Variants in TXNDC11 observed in about 807,000 individuals in gnomAD.
The protein encoded by TXNDC11 is thioredoxin domain containing 11, also known as thioredoxin domain-containing protein 11.
In TXNDC11, 68 loss-of-function variants were observed where a neutral mutation model predicts 78.0. The observed-to-expected ratio is 0.87, with a 90% CI of 0.72 to 1.07. The LOEUF (loss-of-function observed/expected upper bound fraction) is 1.07. TXNDC11 is among the 50% of genes least tolerant of loss of function. The pLI is 0.00. For missense variants in TXNDC11, 1,389 were observed against 1,221.8 expected, an observed-to-expected ratio of 1.14 and a Z score of -2.04; for synonymous variants, 571 against 495.2, an observed-to-expected ratio of 1.15 and a Z score of -2.03.
intron 4 of TXNDC11, among the ~76,000 whole-genome samples, chr16:11,724,411 A>T (rs1567340230): frequency 6.6e-6 from 1 of 152,202 alleles, no homozygotes; most frequent in Non-Finnish European, 1.5e-5. Flanking sequence ...GTCACTGAAA[A>T]TTAAATGACT....
intron 7 of TXNDC11, among the ~76,000 whole-genome samples, chr16:11,695,475 C>G (rs763073430): frequency 1.6e-4 from 24 of 152,304 alleles, no homozygotes; most frequent in Non-Finnish European, 3.4e-4. Flanking sequence ...GTAAAGCCAC[C>G]TAACTCTTTC....
At position 11,684,140 on chromosome 16, in the gene TXNDC11, ACC is replaced by A. The variant is rs2050504020; in HGVS notation, c.2234+23_2234+24del. On this transcript the variant is annotated intron_variant, in intron 11 of 11. Transcript: ENST00000283033. ...CTCCACAAAAGAATCCCAACTGCCC[ACC>A]AGTGACAAAAATTTGGCATTACCTG... The A allele has an allele frequency of 7.7e-6, 12 of 1,559,052 alleles. No homozygotes were observed. The Admixed American group carries it at 1.8e-4, about 24-fold the overall frequency.
In TXNDC11 at chr16:11,721,674, C is replaced by T; in HGVS notation, c.700-4G>A. ...CAAAGTACCCGAGTACTCCAGGCTG[C>T]AGGAAAAAGAGCAGAATTAGGTAAC... On this transcript the variant is annotated splice_polypyrimidine_tract_variant and splice_region_variant and intron_variant, in intron 4 of 11. Coordinates refer to ENST00000283033, the MANE Select transcript of TXNDC11 (RefSeq NM_015914.7). 6.3e-7 allele frequency: 1 copy of T among 1,599,904 alleles called. No homozygotes were observed. Among genetic ancestry groups the T allele is most frequent in the Non-Finnish European group, 8.6e-7 (1 of 1,169,192 alleles).
chr16:11,701,470 T>C (rs1298679502), intron 5 of TXNDC11, among the ~76,000 whole-genome samples: 1 of 152,126 alleles, frequency 6.6e-6, no homozygotes, highest in Non-Finnish European at 1.5e-5. Flanking sequence ...TTCTGTGAAA[T>C]TAGAGACTTT....
chr16:11,688,548 G>T, intron 8 of TXNDC11, 103 bp from the exon 9 acceptor site: 1 of 999,598 alleles, frequency 1.0e-6, no homozygotes, highest in Non-Finnish European at 1.4e-6. Context: ...GACTTCATAG[G>T]CTCACATTTT....
At position 11,684,257 on chromosome 16, in the gene TXNDC11, A is replaced by G. The variant is rs776048884; in HGVS notation, c.2154-12T>C. On this transcript the variant is annotated splice_polypyrimidine_tract_variant and intron_variant, in intron 10 of 11. Transcript: ENST00000283033. ...GAGACACGTCAATCCTGGTAAAGGGAAAGAACAGAAATGGCAGATGATCAG... is the reference window on the plus strand; with the variant it reads ...GAGACACGTCAATCCTGGTAAAGGGGAAGAACAGAAATGGCAGATGATCAG... The G allele has an allele frequency of 4.3e-5, 69 of 1,603,364 alleles. No individual in the cohort carries two copies. The highest frequency in any genetic ancestry group is 5.9e-5 in the Non-Finnish European group (69 of 1,170,936).
rs560224448 is a variant in TXNDC11 at position 11,706,844 on chromosome 16, G to A, written c.794-6280C>T. ...GGTTTTGGACAACGTTTTAATATATGACTACAGCTGACCCTTGAACAACAT... is the reference window on the plus strand; with the variant it reads ...GGTTTTGGACAACGTTTTAATATATAACTACAGCTGACCCTTGAACAACAT... On this transcript the variant is annotated intron_variant, in intron 5 of 11. Transcript: ENST00000283033. Among the ~76,000 whole-genome samples, 75 of 152,276 alleles carry A rather than the reference G, an allele frequency of 4.9e-4. 1 individual carries two copies. The South Asian group carries it at 5.0e-3, about 10-fold the overall frequency.
intron 5 of TXNDC11, among the ~76,000 whole-genome samples, chr16:11,707,588 G>A (rs1012928368): frequency 6.6e-6 from 1 of 151,484 alleles, no homozygotes; most frequent in Non-Finnish European, 1.5e-5. Flanking sequence ...AGCTAGGATT[G>A]CAGGCGTGCA....
intron 4 of TXNDC11, among the ~76,000 whole-genome samples, chr16:11,724,237 C>A (rs547799310): frequency 6.6e-6 from 1 of 152,042 alleles, no homozygotes. Flanking sequence ...GAGCAGAGAT[C>A]GCACCACTGC....
At chr16:11,690,294 TGCCAAGTCCCAGGGGCAAGCTCTG>T (rs1324109005) in intron 8 of TXNDC11, among the ~76,000 whole-genome samples, 1 of 152,212 alleles carries the variant, frequency 6.6e-6, no homozygotes, top group Non-Finnish European at 1.5e-5. Flanking sequence ...CCAATGTTGC[TGCCAAGTCCCAGGGGCAAGCTCTG>T]GGTGCTTTCT....
At chr16:11,699,522 A>G (rs2050951519) in intron 6 of TXNDC11, among the ~76,000 whole-genome samples, 1 of 152,276 alleles carries the variant, frequency 6.6e-6, no homozygotes, top group Non-Finnish European at 1.5e-5. Flanking sequence ...CTCAAACTAC[A>G]CTCAAACATT....
intron 10 of TXNDC11, among the ~76,000 whole-genome samples, chr16:11,685,038 T>C (rs2050527435): frequency 6.6e-6 from 1 of 152,240 alleles, no homozygotes; most frequent in Admixed American, 6.5e-5. Context: ...GTCATGTATG[T>C]GTCCAAAAGG....
chr16:11,712,551 G>C (rs1394795096), intron 5 of TXNDC11, among the ~76,000 whole-genome samples: 1 of 152,156 alleles, frequency 6.6e-6, no homozygotes, highest in Admixed American at 6.5e-5. Flanking sequence ...TCACATACCA[G>C]ATCCTCAAAT....
At chr16:11,730,877 G>C (rs1239162612) in intron 3 of TXNDC11, 103 bp from the exon 4 acceptor site, 3 of 924,662 alleles carry the variant, frequency 3.2e-6, no homozygotes, top group Non-Finnish European at 4.4e-6. Context: ...CAAAATGAAA[G>C]TGTCTTGCTT....
rs2052208720 is a variant in TXNDC11 at position 11,735,994 on chromosome 16, C to G, written c.471+23G>C. On this transcript the variant is annotated intron_variant, in intron 2 of 11. Coordinates refer to ENST00000283033, the MANE Select transcript of TXNDC11 (RefSeq NM_015914.7). ...ATATAGGACTGACAGTCATTTGATT[C>G]TTAAGCTGAATGTGAGCATTACCTG... 3.1e-6 allele frequency: 5 copies of G among 1,611,066 alleles called. No homozygotes were observed. The Admixed American group carries it at 6.7e-5, about 21-fold the overall frequency.
chr16:11,734,800 A>C (rs1047010884), intron 2 of TXNDC11, among the ~76,000 whole-genome samples: 1 of 152,224 alleles, frequency 6.6e-6, no homozygotes, highest in Non-Finnish European at 1.5e-5. Context: ...TCTGGAACTC[A>C]GCTGCCTACA....
At chr16:11,706,582 TC>T (rs2051186419) in intron 5 of TXNDC11, among the ~76,000 whole-genome samples, 1 of 152,256 alleles carries the variant, frequency 6.6e-6, no homozygotes, top group Non-Finnish European at 1.5e-5. Flanking sequence ...GCAGGTTTAC[TC>T]CTGGTCATCT....
chr16:11,736,136 C>T lies in TXNDC11; in HGVS notation c.352G>A (p.Ala118Thr). The T allele has an allele frequency of 6.2e-7, 1 of 1,614,196 alleles. No individual in the cohort carries two copies. ...LDLFQGQLDY[A>T]EYVRRDSEVV... ...TCTGAATCCCGTCGAACGTACTCTG[C>T]ATAATCCAGCTGCCCCTGGAAGAGG... The change falls in exon 2 of 12, where the codon GCA becomes ACA. Residue 118 changes from alanine (A) to threonine (T), a missense_variant. Transcript: ENST00000283033.
intron 5 of TXNDC11, among the ~76,000 whole-genome samples, chr16:11,704,363 G>C (rs995507996): frequency 6.6e-6 from 1 of 152,172 alleles, no homozygotes; most frequent in Non-Finnish European, 1.5e-5. Flanking sequence ...CAGAGTAATT[G>C]TTGCAGGCAA....
Sources: allele counts gnomAD v4.1 joint callset (sites outside exome capture counted in the v4.1 genomes callset), GRCh38; gene constraint gnomAD v4.1.1; transcripts MANE v1.5; gene names NCBI Gene and HGNC (gene_info 2026-07-23, HGNC 2026-07-21).